Variants in CCDC148 observed in about 807,000 individuals in gnomAD.
The protein encoded by CCDC148 is coiled-coil domain-containing protein 148.
A neutral mutation model predicts 85.7 loss-of-function variants in CCDC148; 89 were observed. The observed-to-expected ratio is 1.04, with a 90% CI of 0.87 to 1.24. The LOEUF (loss-of-function observed/expected upper bound fraction) is 1.24, where lower values mean the gene tolerates loss of function less well. Ranked by LOEUF, CCDC148 falls within the 50% of genes most tolerant of loss-of-function variation. CCDC148 has a pLI of 0.00. For missense variants in CCDC148, 692 were observed against 671.7 expected (o/e 1.03, Z -0.33); for synonymous variants, 230 against 213.9 (o/e 1.08, Z -0.66).
chr2:158,178,960 C>G lies in CCDC148; in HGVS notation c.1407G>C (p.Leu469Phe). ...KYRQELLERR[L>F]MEKKEVALQE... ...GAAGGGCCACTTCCTTTTTCTCCAT[C>G]AAACGCCTTTCCAATAATTCTTGTC... The change falls in exon 12 of 14, where the codon TTG (leucine) becomes TTC (phenylalanine). Residue 469 changes from leucine (L) to phenylalanine (F), a missense_variant. Physicochemically the swap from Leu to Phe is conservative, Grantham distance 22 (BLOSUM62 0). Transcript: ENST00000283233. The G allele has an allele frequency of 1.2e-6, 2 of 1,613,446 alleles. No individual in the cohort carries two copies. The highest frequency in any genetic ancestry group is 1.7e-6 in the Non-Finnish European group (2 of 1,179,704).
At position 158,456,738 on chromosome 2, in the gene CCDC148, C is replaced by A; in HGVS notation, c.-299G>T. Reference sequence around the variant, plus strand: ...CCTCTCCAGGCCCTCTCGCGCTGAACAGCATCGGTCTCTATGGCGACCTGA... The same window carrying A: ...CCTCTCCAGGCCCTCTCGCGCTGAAAAGCATCGGTCTCTATGGCGACCTGA... On this transcript the variant is annotated 5_prime_UTR_variant, in exon 1 of 14. Coordinates refer to ENST00000283233, the MANE Select transcript of CCDC148 (RefSeq NM_138803.4). The A allele has an allele frequency of 2.4e-6, 1 of 424,422 alleles. No homozygotes were observed. The highest frequency in any genetic ancestry group is 2.0e-5 in the African/African-American group (1 of 49,834). 26.3% of individuals were successfully genotyped at this position (424,422 alleles called of 1,614,324 possible).
At chr2:158,358,196 A>C (rs58335280) in intron 2 of CCDC148, among the ~76,000 whole-genome samples, 54,032 of 152,030 alleles carry the variant, frequency 0.36, 9,932 homozygotes, top group African/African-American at 0.45. Flanking sequence ...AACTGTCTTT[A>C]AAAAAATAAA....
intron 2 of CCDC148, among the ~76,000 whole-genome samples, chr2:158,346,209 CT>C (rs1484353823): frequency 1.3e-5 from 2 of 152,132 alleles, no homozygotes; most frequent in African/African-American, 2.4e-5. Context: ...TCAGGCACCC[CT>C]ATCAGTTGGC....
chr2:158,371,454 C>T (rs749052934), intron 1 of CCDC148, among the ~76,000 whole-genome samples: 2 of 151,966 alleles, frequency 1.3e-5, no homozygotes, highest in African/African-American at 2.4e-5. Flanking sequence ...TCCTACTTGC[C>T]TCTAACAGAA....
At chr2:158,330,090 T>G (rs1183349499) in intron 7 of CCDC148, among the ~76,000 whole-genome samples, 2 of 152,196 alleles carry the variant, frequency 1.3e-5, no homozygotes, top group Non-Finnish European at 2.9e-5. Flanking sequence ...TGTGCCAGTT[T>G]TCAAAGGGAA....
chr2:158,260,438 T>C (rs1166788361), intron 9 of CCDC148, among the ~76,000 whole-genome samples: 1 of 151,948 alleles, frequency 6.6e-6, no homozygotes, highest in Non-Finnish European at 1.5e-5. Flanking sequence ...TCATTCCCAC[T>C]TGAAAACCGG....
intron 11 of CCDC148, among the ~76,000 whole-genome samples, chr2:158,201,112 G>T (rs942672162): frequency 2.0e-5 from 3 of 150,700 alleles, no homozygotes; most frequent in Non-Finnish European, 4.4e-5. Flanking sequence ...CCCTTACTGT[G>T]ATGCTTTCTA....
At chr2:158,293,103 T>TA (rs1207435531) in intron 9 of CCDC148, among the ~76,000 whole-genome samples, 4 of 152,132 alleles carry the variant, frequency 2.6e-5, no homozygotes, top group Non-Finnish European at 4.4e-5. Flanking sequence ...AGTAAAATTT[T>TA]AAAAAAAGTA....
At chr2:158,183,004 A>T (rs1460322951) in intron 11 of CCDC148, among the ~76,000 whole-genome samples, 1 of 152,184 alleles carries the variant, frequency 6.6e-6, no homozygotes, top group Non-Finnish European at 1.5e-5. Flanking sequence ...GGAAGTGGCT[A>T]AACTCAATAG....
chr2:158,352,189 G>A (rs12616126), intron 2 of CCDC148, among the ~76,000 whole-genome samples: 52,892 of 149,290 alleles, frequency 0.35, 11,184 homozygotes, highest in South Asian at 0.61. Flanking sequence ...CCAAAGGAAC[G>A]CAGTTCCTCA....
intron 9 of CCDC148, among the ~76,000 whole-genome samples, chr2:158,283,065 T>C (rs1270349178): frequency 6.6e-6 from 1 of 152,314 alleles, no homozygotes; most frequent in East Asian, 1.9e-4. Flanking sequence ...CTGGGAAAAC[T>C]GGCTAGCCAT....
intron 9 of CCDC148, among the ~76,000 whole-genome samples, chr2:158,281,507 A>T (rs1690298538): frequency 6.6e-6 from 1 of 152,072 alleles, no homozygotes; most frequent in Non-Finnish European, 1.5e-5. Flanking sequence ...ACCTCTACGC[A>T]AATAAACTAG....
intron 12 of CCDC148, 79 bp downstream of exon 12, chr2:158,178,800 C>T (rs1394440482): frequency 3.2e-6 from 3 of 946,038 alleles, no homozygotes; most frequent in Admixed American, 3.9e-5. Flanking sequence ...AACTAAGCCC[C>T]AGTAAGAATG....
At chr2:158,252,969 T>C (rs1688856396) in intron 9 of CCDC148, among the ~76,000 whole-genome samples, 1 of 151,806 alleles carries the variant, frequency 6.6e-6, no homozygotes, top group Non-Finnish European at 1.5e-5. Flanking sequence ...CACCTGCTTC[T>C]CCTTTCCAAA....
At chr2:158,363,461 C>A (rs552718304) in intron 1 of CCDC148, among the ~76,000 whole-genome samples, 16 of 152,112 alleles carry the variant, frequency 1.1e-4, no homozygotes, top group Non-Finnish European at 1.9e-4. Flanking sequence ...AAAAGCTTAT[C>A]CACCATGATC....
chr2:158,295,789 G>T (rs1056114462), intron 9 of CCDC148, among the ~76,000 whole-genome samples: 1 of 150,652 alleles, frequency 6.6e-6, no homozygotes, highest in South Asian at 2.1e-4. Context: ...GCAAAAACTG[G>T]AAGCATTCCC....
In CCDC148 at chr2:158,235,085, T is replaced by C. The variant is rs576862726; in HGVS notation, c.1252-14372A>G. ...ACAACAAACACCCATGAAACAAGTT[T>C]ACCTACGTAACAAACCTGCACATGT... On this transcript the variant is annotated intron_variant, in intron 10 of 13. Transcript: ENST00000283233. Among the ~76,000 whole-genome samples, 11 of 152,316 alleles carry C rather than the reference T, an allele frequency of 7.2e-5. No individual in the cohort carries two copies. In the East Asian group the frequency reaches 1.7e-3, roughly 24 times the overall value.
At chr2:158,446,705 T>C (rs913423543) in intron 1 of CCDC148, among the ~76,000 whole-genome samples, 1 of 152,212 alleles carries the variant, frequency 6.6e-6, no homozygotes, top group Admixed American at 6.5e-5. Flanking sequence ...TGTGGAACCA[T>C]TACCACTATC....
intron 9 of CCDC148, among the ~76,000 whole-genome samples, chr2:158,255,229 A>G (rs555702783): frequency 6.6e-6 from 1 of 151,822 alleles, no homozygotes; most frequent in Non-Finnish European, 1.5e-5. Context: ...GGGGATGGTC[A>G]GGGACCCGTA....
Sources: allele counts gnomAD v4.1 joint callset (sites outside exome capture counted in the v4.1 genomes callset), GRCh38; gene constraint gnomAD v4.1.1; transcripts MANE v1.5; gene names NCBI Gene and HGNC (gene_info 2026-07-23, HGNC 2026-07-21).